Variants in TLCD4 observed in about 807,000 individuals in gnomAD.
The protein encoded by TLCD4 is TLC domain-containing protein 4.
TLCD4 carries 7 observed loss-of-function variants against 24.2 expected under a neutral mutation model. That is an observed-to-expected ratio of 0.29 (90% CI 0.16 to 0.54). The LOEUF (loss-of-function observed/expected upper bound fraction) is 0.54, where lower values mean the gene tolerates loss of function less well. Ranked by LOEUF, TLCD4 falls within the 20% of genes least tolerant of loss-of-function variation. The pLI, the probability that TLCD4 is intolerant of heterozygous loss-of-function variation, is 0.95. For synonymous variants in TLCD4, 103 were observed against 106.4 expected (o/e 0.97, Z 0.20); for missense variants, 259 against 313.9 (o/e 0.82, Z 1.32).
At chr1:95,182,204 CT>C (rs967030999) in intron 6 of TLCD4, among the ~76,000 whole-genome samples, 61 of 141,238 alleles carry the variant, frequency 4.3e-4, no homozygotes, top group Admixed American at 7.2e-4. Context: ...GACAAGCCCA[CT>C]TTTTTTTTTT....
At chr1:95,177,940 T>C (rs186718310) in intron 6 of TLCD4, among the ~76,000 whole-genome samples, 99 of 144,268 alleles carry the variant, frequency 6.9e-4, no homozygotes, top group African/African-American at 2.0e-3. Flanking sequence ...CTTTTCTTTT[T>C]TTTTTTTTTT....
At chr1:95,154,851 G>C (rs1335801730) in intron 5 of TLCD4, among the ~76,000 whole-genome samples, 1 of 147,994 alleles carries the variant, frequency 6.8e-6, no homozygotes, top group Non-Finnish European at 1.5e-5. Flanking sequence ...CTGACCCAGA[G>C]TCTCAAGCAC....
Position 95,195,376 on chromosome 1 carries a change from T to C in TLCD4, c.*3508T>C, listed in dbSNP as rs1679165545. ...GAAATAAACATGTTCCAAAAGATGC[T>C]GTTAAAATAAATATTTGAACACGTT... On this transcript the variant is annotated 3_prime_UTR_variant, in exon 7 of 7. Transcript: ENST00000370203. 6.6e-6 allele frequency: 1 copy of C among 152,214 alleles called. No homozygotes were observed. Among genetic ancestry groups the C allele is most frequent in the Non-Finnish European group, 1.5e-5 (1 of 68,026 alleles). 9.4% of individuals were successfully genotyped at this position (152,214 alleles called of 1,614,324 possible). A position where few individuals can be genotyped will look rare whatever the true frequency, so the allele number is the denominator to read the frequency against.
chr1:95,192,143 A>G lies in TLCD4; in HGVS notation c.*275A>G. ...AAACCTCATCTCTACTAAAAATACAAAAAAAAGTAGCTGGGCGTGGTGGTT... is the reference window on the plus strand; with the variant it reads ...AAACCTCATCTCTACTAAAAATACAGAAAAAAGTAGCTGGGCGTGGTGGTT... On this transcript the variant is annotated 3_prime_UTR_variant, in exon 7 of 7. Transcript: ENST00000370203. The G allele has an allele frequency of 1.2e-5, 5 of 428,502 alleles. No individual in the cohort carries two copies. The highest frequency in any genetic ancestry group is 1.8e-5 in the Non-Finnish European group (5 of 282,934). The allele number at this position is 428,502 out of a possible 1,614,324, so 26.5% of individuals were successfully genotyped here.
intron 5 of TLCD4, among the ~76,000 whole-genome samples, chr1:95,157,498 T>C (rs1677665937): frequency 6.6e-6 from 1 of 152,212 alleles, no homozygotes; most frequent in Non-Finnish European, 1.5e-5. Context: ...ATTTTGATCA[T>C]CAATTAGAAT....
At chr1:95,114,085 G>A (rs565953028), upstream of TLCD4, among the ~76,000 whole-genome samples, 1 of 152,162 alleles carries the variant, frequency 6.6e-6, no homozygotes, top group East Asian at 1.9e-4. Context: ...TTAGAGACAG[G>A]GTCTCACTCT....
At chr1:95,143,780 T>C in intron 1 of TLCD4, 111 bp from the exon 2 acceptor site, 2 of 1,051,872 alleles carry the variant, frequency 1.9e-6, no homozygotes, top group Non-Finnish European at 2.5e-6. Context: ...TCTTAACATT[T>C]GTTCTAAATT....
the TLCD4 span, among the ~76,000 whole-genome samples, chr1:95,104,094 AT>A: frequency 6.6e-6 from 1 of 152,176 alleles, no homozygotes; most frequent in Non-Finnish European, 1.5e-5. Context: ...ACTTGGCTGT[AT>A]TTTATTAACT....
chr1:95,188,586 A>G (rs1381367462), intron 6 of TLCD4, among the ~76,000 whole-genome samples: 1 of 151,814 alleles, frequency 6.6e-6, no homozygotes, highest in Non-Finnish European at 1.5e-5. Flanking sequence ...ATCAGTATTG[A>G]TTTCTGGATA....
intron 6 of TLCD4, among the ~76,000 whole-genome samples, chr1:95,181,407 A>C (rs1451645060): frequency 6.6e-6 from 1 of 152,096 alleles, no homozygotes; most frequent in Non-Finnish European, 1.5e-5. Flanking sequence ...TGGCCTTTTC[A>C]AATACTAATA....
intron 5 of TLCD4, among the ~76,000 whole-genome samples, chr1:95,171,492 G>A (rs1290303190): frequency 6.6e-6 from 1 of 152,102 alleles, no homozygotes; most frequent in Non-Finnish European, 1.5e-5. Flanking sequence ...TAACTGTTTT[G>A]ATTTGTATTG....
chr1:95,175,574 A>G (rs1051671569), intron 6 of TLCD4, among the ~76,000 whole-genome samples: 8 of 152,198 alleles, frequency 5.3e-5, no homozygotes, highest in Admixed American at 2.6e-4. Context: ...GCTGGATCAT[A>G]TGATGGTCCT....
intron 5 of TLCD4, among the ~76,000 whole-genome samples, chr1:95,172,214 AC>A (rs1053502017): frequency 1.3e-5 from 2 of 152,208 alleles, no homozygotes; most frequent in Non-Finnish European, 2.9e-5. Context: ...ACAAACTAAT[AC>A]AGGCTTGGTG....
intron 5 of TLCD4, among the ~76,000 whole-genome samples, chr1:95,159,252 T>G (rs1451484265): frequency 1.3e-5 from 2 of 152,270 alleles, no homozygotes; most frequent in Non-Finnish European, 2.9e-5. Flanking sequence ...ATTTCTCTGA[T>G]GGCCAGTGAT....
At chr1:95,108,106 C>G in the TLCD4 span, among the ~76,000 whole-genome samples, 1 of 151,948 alleles carries the variant, frequency 6.6e-6, no homozygotes, top group African/African-American at 2.4e-5. Context: ...AATTTTCTCT[C>G]GAGTGTCTGG....
Position 95,197,412 on chromosome 1 carries a change from G to C in TLCD4, c.*5544G>C, listed in dbSNP as rs947172516. 6.6e-6 allele frequency: 1 copy of C among 152,072 alleles called. No individual in the cohort carries two copies. The highest frequency in any genetic ancestry group is 1.5e-5 in the Non-Finnish European group (1 of 68,020). 9.4% of individuals were successfully genotyped at this position (152,072 alleles called of 1,614,324 possible). ...AAGCAATAATCTGCATGTTATACAA[G>C]GTTGACATATTTTGTCCTGAAATTT... On this transcript the variant is annotated 3_prime_UTR_variant, in exon 7 of 7. Coordinates refer to ENST00000370203, the MANE Select transcript of TLCD4 (RefSeq NM_152487.3).
At position 95,191,909 on chromosome 1, in the gene TLCD4, T is replaced by C. The variant is rs1679041957; in HGVS notation, c.*41T>C. 6.4e-7 allele frequency: 1 copy of C among 1,573,196 alleles called. No individual in the cohort carries two copies. The highest frequency in any genetic ancestry group is 8.6e-7 in the Non-Finnish European group (1 of 1,162,546). ...AAGCAAACTTCATTACTACCCAGCATATCTGCTGATAGGATGAATTCTTGG... is the reference window on the plus strand; with the variant it reads ...AAGCAAACTTCATTACTACCCAGCACATCTGCTGATAGGATGAATTCTTGG... On this transcript the variant is annotated 3_prime_UTR_variant, in exon 7 of 7. Coordinates refer to ENST00000370203, the MANE Select transcript of TLCD4 (RefSeq NM_152487.3).
At chr1:95,141,608 G>A (rs1359064693) in intron 1 of TLCD4, among the ~76,000 whole-genome samples, 2 of 151,988 alleles carry the variant, frequency 1.3e-5, no homozygotes, top group East Asian at 3.9e-4. Context: ...GCAAATTATG[G>A]TAATGCTTAA....
chr1:95,165,942 A>G (rs1476169081), intron 5 of TLCD4, among the ~76,000 whole-genome samples: 2 of 152,216 alleles, frequency 1.3e-5, no homozygotes, highest in African/African-American at 2.4e-5. Context: ...GTTGGCTAGA[A>G]GAGTCTTTAC....
Sources: allele counts gnomAD v4.1 joint callset (sites outside exome capture counted in the v4.1 genomes callset), GRCh38; gene constraint gnomAD v4.1.1; transcripts MANE v1.5; gene names NCBI Gene and HGNC (gene_info 2026-07-23, HGNC 2026-07-21).